STXBP4: variants seen among roughly 807,000 people sequenced by gnomAD.
The protein encoded by STXBP4 is syntaxin-binding protein 4.
In STXBP4, 55 loss-of-function variants were observed where a neutral mutation model predicts 76.1. The observed-to-expected ratio is 0.72, with a 90% CI of 0.58 to 0.91. The LOEUF is 0.91. Among genes scored for constraint, STXBP4 ranks in the 40% least tolerant of loss-of-function variants. The pLI is 0.00. For synonymous variants in STXBP4, 201 were observed against 220.2 expected, an observed-to-expected ratio of 0.91 and a Z score of 0.77; for missense variants, 618 against 636.9, an observed-to-expected ratio of 0.97 and a Z score of 0.32.
chr17:54,994,762 CTTCCAGAGTAG>C (rs1257778040), intron 4 of STXBP4, among the ~76,000 whole-genome samples: 1 of 151,984 alleles, frequency 6.6e-6, no homozygotes, highest in Non-Finnish European at 1.5e-5. Flanking sequence ...CATCACTATG[CTTCCAGAGTAG>C]CATTTTCTCA....
At position 55,006,974 on chromosome 17, in the gene STXBP4, A is replaced by G. The variant is rs368648069; in HGVS notation, c.575-532A>G. On this transcript the variant is annotated intron_variant, in intron 7 of 17. Transcript: ENST00000376352. ...ATATATCTGTGGGACTTCACAATGC[A>G]TAATTGCCTACTCTTATATCTTAGG... 4.6e-5 allele frequency among the ~76,000 whole-genome samples: 7 copies of G among 152,324 alleles called. No individual in the cohort carries two copies. In the South Asian group the frequency reaches 8.3e-4, roughly 18 times the overall value.
intron 17 of STXBP4, among the ~76,000 whole-genome samples, chr17:55,149,771 T>C (rs1312333741): frequency 6.6e-6 from 1 of 152,200 alleles, no homozygotes; most frequent in African/African-American, 2.4e-5. Flanking sequence ...CAGGATTTTC[T>C]GTAAATACCT....
intron 1 of STXBP4, among the ~76,000 whole-genome samples, chr17:54,975,013 C>A (rs527567942): frequency 6.6e-6 from 1 of 152,188 alleles, no homozygotes; most frequent in Non-Finnish European, 1.5e-5. Context: ...CACTGGTGGC[C>A]ATGTCTTCTG....
intron 8 of STXBP4, among the ~76,000 whole-genome samples, chr17:55,029,107 TAAATTACAATAA>T (rs2078463663): frequency 1.3e-5 from 2 of 151,940 alleles, no homozygotes; most frequent in Non-Finnish European, 2.9e-5. Context: ...GAATGGATAA[TAAATTACAATAA>T]ATTCATACAA....
chr17:55,041,514 G>T (rs2078699053), intron 10 of STXBP4, among the ~76,000 whole-genome samples: 1 of 151,996 alleles, frequency 6.6e-6, no homozygotes, highest in South Asian at 2.1e-4. Flanking sequence ...CACTGCACCT[G>T]GCCTTATTTA....
chr17:54,994,809 T>C (rs1296832832), intron 4 of STXBP4, among the ~76,000 whole-genome samples: 2 of 149,658 alleles, frequency 1.3e-5, no homozygotes, highest in Non-Finnish European at 3.0e-5. Flanking sequence ...GAATTTCTCT[T>C]TTTTTTTTTT....
chr17:55,026,237 A>G (rs7211469), intron 8 of STXBP4, among the ~76,000 whole-genome samples: 31,361 of 152,052 alleles, frequency 0.21, 3,435 homozygotes, highest in Middle Eastern at 0.35. Flanking sequence ...TCAGTTGGCT[A>G]TTTTTCAGAA....
At chr17:54,980,209 A>G (rs1426510536) in intron 1 of STXBP4, among the ~76,000 whole-genome samples, 1 of 152,138 alleles carries the variant, frequency 6.6e-6, no homozygotes, top group African/African-American at 2.4e-5. Flanking sequence ...TTGGGGTGGG[A>G]GGGAAATTAT....
chr17:55,211,248 T>C, the STXBP4 span, among the ~76,000 whole-genome samples: 2 of 152,142 alleles, frequency 1.3e-5, no homozygotes, highest in Non-Finnish European at 2.9e-5. Flanking sequence ...TTTATTTATT[T>C]GTTTATTTTT....
At chr17:55,097,651 A>C (rs2079508849) in intron 16 of STXBP4, among the ~76,000 whole-genome samples, 1 of 148,588 alleles carries the variant, frequency 6.7e-6, no homozygotes, top group African/African-American at 2.5e-5. Flanking sequence ...CAACAGAGCA[A>C]GACTCCATCT....
At chr17:55,068,295 A>G (rs568276129) in intron 12 of STXBP4, among the ~76,000 whole-genome samples, 2 of 152,274 alleles carry the variant, frequency 1.3e-5, no homozygotes, top group East Asian at 1.9e-4. Context: ...CAAAAACATT[A>G]TATCTCTTTG....
chr17:55,141,025 T>G (rs1471027363), intron 16 of STXBP4, among the ~76,000 whole-genome samples: 1 of 152,172 alleles, frequency 6.6e-6, no homozygotes, highest in Non-Finnish European at 1.5e-5. Context: ...CACAAATTTT[T>G]GCTTGAATCC....
intron 12 of STXBP4, among the ~76,000 whole-genome samples, chr17:55,049,894 C>G (rs12450607): frequency 0.35 from 53,584 of 151,808 alleles, 10,515 homozygotes; most frequent in East Asian, 0.53. Flanking sequence ...AAGGACCAGG[C>G]AAGATGGTTT....
At chr17:55,034,688 A>G (rs753271740) in intron 10 of STXBP4, among the ~76,000 whole-genome samples, 3 of 152,118 alleles carry the variant, frequency 2.0e-5, no homozygotes, top group Non-Finnish European at 2.9e-5. Context: ...ATCAAGAAAC[A>G]TAATATTAAA....
chr17:55,162,302 A>C lies in STXBP4; in HGVS notation c.*2391A>C, dbSNP rs1305181920. ...TCATATTATGTTTTGGCGAGTAGCCAGTCTTTCTTTAACATCAATCAACCG... is the reference window on the plus strand; with the variant it reads ...TCATATTATGTTTTGGCGAGTAGCCCGTCTTTCTTTAACATCAATCAACCG... On this transcript the variant is annotated 3_prime_UTR_variant, in exon 18 of 18. Coordinates refer to ENST00000376352, the MANE Select transcript of STXBP4 (RefSeq NM_178509.6). The C allele has an allele frequency of 6.6e-6, 1 of 152,236 alleles. No individual in the cohort carries two copies. The highest frequency in any genetic ancestry group is 1.9e-4 in the East Asian group (1 of 5,196). The allele number at this position is 152,236 out of a possible 1,614,324, so 9.4% of individuals were successfully genotyped here. A position where few individuals can be genotyped will look rare whatever the true frequency, so the allele number is the denominator to read the frequency against.
the STXBP4 span, among the ~76,000 whole-genome samples, chr17:55,206,279 G>T: frequency 6.6e-5 from 10 of 152,236 alleles, no homozygotes; most frequent in South Asian, 1.5e-3. Context: ...TGGCTGTGGG[G>T]TGATTGTTTA....
chr17:55,118,706 T>C (rs1226886885), intron 16 of STXBP4, among the ~76,000 whole-genome samples: 1 of 151,656 alleles, frequency 6.6e-6, no homozygotes, highest in Non-Finnish European at 1.5e-5. Context: ...TAGAGGTCTA[T>C]TGAAAGAAGA....
At chr17:54,984,368 A>T (rs1598155180) in intron 1 of STXBP4, among the ~76,000 whole-genome samples, 2 of 113,692 alleles carry the variant, frequency 1.8e-5, no homozygotes, top group African/African-American at 3.4e-5. Flanking sequence ...TTTGAGACGG[A>T]GTCTGGCTCT....
chr17:55,115,196 C>G (rs2079767290), intron 16 of STXBP4, among the ~76,000 whole-genome samples: 1 of 151,802 alleles, frequency 6.6e-6, no homozygotes. Flanking sequence ...AGGAAACAGA[C>G]CACTGTAGGT....
Sources: gnomAD v4.1 joint callset for allele counts (sites outside exome capture counted in the v4.1 genomes callset) on GRCh38, gnomAD v4.1.1 for gene constraint, MANE v1.5 for transcripts, NCBI Gene and HGNC (gene_info 2026-07-23, HGNC 2026-07-21) for gene names.